Variants in WHRN observed in about 807,000 individuals in gnomAD.
The protein encoded by WHRN is CASK-interacting protein CIP98.
Under a neutral mutation model 68.3 loss-of-function variants are expected in WHRN, and 41 were observed. That is an observed-to-expected ratio of 0.60 (90% CI 0.47 to 0.78). The LOEUF is 0.78. Among genes scored for constraint, WHRN ranks in the 30% least tolerant of loss-of-function variants. The pLI is 0.00. For missense variants in WHRN, 1,243 were observed against 1,244.7 expected, an observed-to-expected ratio of 1.00 and a Z score of 0.02; for synonymous variants, 560 against 561.3, an observed-to-expected ratio of 1.00 and a Z score of 0.03.
chr9:114,465,746 TCA>T (rs1460733818), intron 3 of WHRN, among the ~76,000 whole-genome samples: 1 of 152,178 alleles, frequency 6.6e-6, no homozygotes, highest in Non-Finnish European at 1.5e-5. Context: ...AACCTATGTC[TCA>T]GTTTCCCCAA....
intron 3 of WHRN, among the ~76,000 whole-genome samples, chr9:114,427,925 A>T (rs1837027231): frequency 6.6e-6 from 1 of 152,184 alleles, no homozygotes. Flanking sequence ...CTCCTGTTCC[A>T]TTTAGCTCAC....
chr9:114,485,353 C>T (rs1232738570), intron 1 of WHRN, among the ~76,000 whole-genome samples: 2 of 152,212 alleles, frequency 1.3e-5, no homozygotes, highest in Admixed American at 1.3e-4. Flanking sequence ...CTGTGTGACA[C>T]TGAGCCAATT....
At chr9:114,452,953 A>T (rs1186101229) in intron 3 of WHRN, among the ~76,000 whole-genome samples, 1 of 152,158 alleles carries the variant, frequency 6.6e-6, no homozygotes, top group Non-Finnish European at 1.5e-5. Context: ...TGCTGATTCC[A>T]TCCTGATGCT....
At chr9:114,437,919 C>T (rs1434748116) in intron 3 of WHRN, among the ~76,000 whole-genome samples, 1 of 152,062 alleles carries the variant, frequency 6.6e-6, no homozygotes, top group East Asian at 1.9e-4. Context: ...AAAAAAGATC[C>T]AAAATCCTGA....
intron 1 of WHRN, among the ~76,000 whole-genome samples, chr9:114,497,850 G>A (rs1277108925): frequency 6.6e-6 from 1 of 152,146 alleles, no homozygotes; most frequent in Non-Finnish European, 1.5e-5. Context: ...ACACCTAGTA[G>A]TCATTTGCTC....
intron 1 of WHRN, among the ~76,000 whole-genome samples, chr9:114,501,587 C>CAA (rs61501772): frequency 6.6e-6 from 1 of 151,184 alleles, no homozygotes; most frequent in Non-Finnish European, 1.5e-5. Context: ...CACACACACA[C>CAA]TGAATCTCTC....
intron 3 of WHRN, among the ~76,000 whole-genome samples, chr9:114,446,519 A>T (rs962437613): frequency 1.3e-5 from 2 of 152,222 alleles, no homozygotes; most frequent in African/African-American, 4.8e-5. Context: ...ATCTCAAAAA[A>T]CAAACGATGG....
chr9:114,405,237 A>C (rs981227923), intron 9 of WHRN, among the ~76,000 whole-genome samples: 1 of 151,744 alleles, frequency 6.6e-6, no homozygotes, highest in Non-Finnish European at 1.5e-5. Context: ...ACACCTGGCT[A>C]ATTATCGTAT....
intron 2 of WHRN, among the ~76,000 whole-genome samples, chr9:114,471,519 C>T (rs555975448): frequency 6.6e-6 from 1 of 152,220 alleles, no homozygotes; most frequent in Non-Finnish European, 1.5e-5. Context: ...CTTGGGCACC[C>T]TTGGGAAAAG....
intron 3 of WHRN, among the ~76,000 whole-genome samples, chr9:114,451,250 T>G (rs1839302553): frequency 6.6e-6 from 1 of 152,222 alleles, no homozygotes; most frequent in Non-Finnish European, 1.5e-5. Flanking sequence ...CCTGTTGGCA[T>G]CAGCACAGAG....
intron 2 of WHRN, among the ~76,000 whole-genome samples, chr9:114,473,249 T>C (rs765011695): frequency 1.3e-5 from 2 of 152,252 alleles, no homozygotes; most frequent in Non-Finnish European, 2.9e-5. Context: ...ATCTGAGTTC[T>C]ACAAATAGCT....
At chr9:114,493,709 A>C (rs553971222) in intron 1 of WHRN, among the ~76,000 whole-genome samples, 1 of 152,318 alleles carries the variant, frequency 6.6e-6, no homozygotes, top group South Asian at 2.1e-4. Flanking sequence ...GAGATAAGAG[A>C]GAGGAAAAAG....
At chr9:114,452,039 C>A (rs1839384712) in intron 3 of WHRN, among the ~76,000 whole-genome samples, 1 of 152,178 alleles carries the variant, frequency 6.6e-6, no homozygotes, top group Non-Finnish European at 1.5e-5. Context: ...GTTATTCCTG[C>A]ATGTTAGAAA....
chr9:114,415,236 G>C (rs1263671553), intron 7 of WHRN, among the ~76,000 whole-genome samples: 1 of 151,584 alleles, frequency 6.6e-6, no homozygotes, highest in Non-Finnish European at 1.5e-5. Flanking sequence ...AGGAGTTCAA[G>C]GCTGTAGTGA....
At chr9:114,501,792 A>G (rs1317218533) in intron 1 of WHRN, among the ~76,000 whole-genome samples, 1 of 152,264 alleles carries the variant, frequency 6.6e-6, no homozygotes, top group East Asian at 1.9e-4. Flanking sequence ...TACTTTTACC[A>G]TAAAATCCCC....
At chr9:114,500,928 C>T (rs1745564063) in intron 1 of WHRN, among the ~76,000 whole-genome samples, 1 of 152,220 alleles carries the variant, frequency 6.6e-6, no homozygotes, top group Non-Finnish European at 1.5e-5. Flanking sequence ...AATCCTTAGC[C>T]AACTTTCCTT....
chr9:114,412,790 C>T (rs1004934937), intron 7 of WHRN, among the ~76,000 whole-genome samples: 1 of 152,164 alleles, frequency 6.6e-6, no homozygotes, highest in African/African-American at 2.4e-5. Flanking sequence ...GCAACCTTTG[C>T]GGGGTGGACT....
At chr9:114,418,516 G>C (rs1268536854) in intron 7 of WHRN, among the ~76,000 whole-genome samples, 1 of 152,210 alleles carries the variant, frequency 6.6e-6, no homozygotes, top group Non-Finnish European at 1.5e-5. Flanking sequence ...TAATCAGGGG[G>C]ACCCTGTTAA....
At chr9:114,490,225 C>A (rs1015677250) in intron 1 of WHRN, among the ~76,000 whole-genome samples, 4 of 152,164 alleles carry the variant, frequency 2.6e-5, no homozygotes, top group African/African-American at 9.7e-5. Flanking sequence ...TGAAATGCAG[C>A]CCAACATAAG....
Sources: gnomAD v4.1 joint callset for allele counts (sites outside exome capture counted in the v4.1 genomes callset) on GRCh38, gnomAD v4.1.1 for gene constraint, MANE v1.5 for transcripts, NCBI Gene and HGNC (gene_info 2026-07-23, HGNC 2026-07-21) for gene names.